GUCY1A2: variants seen among roughly 807,000 people sequenced by gnomAD.
GUCY1A2 encodes guanylate cyclase 1 soluble subunit alpha 2.
In GUCY1A2, 27 loss-of-function variants were observed where a neutral mutation model predicts 63.5. The ratio of observed to expected loss-of-function variants is 0.43; its 90% CI spans 0.31 to 0.59. The LOEUF (loss-of-function observed/expected upper bound fraction) is 0.59. Among genes scored for constraint, GUCY1A2 ranks in the 20% least tolerant of loss-of-function variants. The probability of loss-of-function intolerance (pLI) is 0.11; values close to 1 mark genes in which losing one functional copy is unlikely to be tolerated. For missense variants in GUCY1A2, 768 were observed against 913.3 expected (o/e 0.84, Z 2.05); for synonymous variants, 364 against 343.5 (o/e 1.06, Z -0.66).
intron 7 of GUCY1A2, among the ~76,000 whole-genome samples, chr11:106,696,239 C>T (rs528254467): frequency 2.0e-5 from 3 of 152,312 alleles, no homozygotes; most frequent in East Asian, 1.9e-4. Context: ...AAAAACTCCA[C>T]TTCTAGTAAA....
At chr11:106,940,369 A>G (rs1860736958) in intron 3 of GUCY1A2, among the ~76,000 whole-genome samples, 191 bp from the exon 4 acceptor site, 1 of 152,188 alleles carries the variant, frequency 6.6e-6, no homozygotes, top group Admixed American at 6.5e-5. Context: ...GTTCATCTTC[A>G]GGATGCCTCT....
chr11:107,013,176 T>C (rs889034786), intron 1 of GUCY1A2, among the ~76,000 whole-genome samples: 1 of 152,208 alleles, frequency 6.6e-6, no homozygotes, highest in Non-Finnish European at 1.5e-5. Context: ...CCTCTCCTTA[T>C]TTGCCACTCC....
chr11:106,706,213 T>C (rs1591238405), intron 7 of GUCY1A2, among the ~76,000 whole-genome samples: 2 of 152,298 alleles, frequency 1.3e-5, no homozygotes, highest in African/African-American at 4.8e-5. Context: ...ACAGGTAATG[T>C]TGGACATTCT....
At position 106,734,184 on chromosome 11, in the gene GUCY1A2, ACACACATC is replaced by A. The variant is rs548058439; in HGVS notation, c.1837-25526_1837-25519del. Among the ~76,000 whole-genome samples the A allele has an allele frequency of 1.2e-3, 180 of 152,256 alleles. 1 individual carries two copies. The highest frequency in any genetic ancestry group is 4.1e-3 in the African/African-American group (171 of 41,562). The stretch of plus-strand genomic sequence containing the variant: ...AAAAAACACAGAGTTGACATGACCC[ACACACATC>A]CACATACCAGCAACCACTGGAGCAA... On this transcript the variant is annotated intron_variant, in intron 6 of 7. Coordinates refer to ENST00000526355, the MANE Select transcript of GUCY1A2 (RefSeq NM_000855.3).
chr11:106,746,984 GT>G (rs964178897), intron 6 of GUCY1A2, among the ~76,000 whole-genome samples: 12 of 151,874 alleles, frequency 7.9e-5, no homozygotes, highest in Admixed American at 1.3e-4. Flanking sequence ...AAAGATGTGG[GT>G]TTTTTTTGTT....
At chr11:106,860,609 A>G (rs1859498026) in intron 4 of GUCY1A2, among the ~76,000 whole-genome samples, 1 of 151,984 alleles carries the variant, frequency 6.6e-6, no homozygotes, top group Non-Finnish European at 1.5e-5. Context: ...TAAAGAGAGT[A>G]AGTGAGAGCA....
At chr11:106,992,991 C>G (rs1861490666) in intron 1 of GUCY1A2, among the ~76,000 whole-genome samples, 1 of 152,102 alleles carries the variant, frequency 6.6e-6, no homozygotes. Flanking sequence ...ATCAAAATTC[C>G]AAATCCCCTT....
intron 4 of GUCY1A2, among the ~76,000 whole-genome samples, chr11:106,873,636 T>C (rs1481344187): frequency 6.6e-6 from 1 of 152,198 alleles, no homozygotes; most frequent in Non-Finnish European, 1.5e-5. Context: ...TTCTTGTAAA[T>C]TTGTTTAATT....
intron 5 of GUCY1A2, among the ~76,000 whole-genome samples, chr11:106,808,185 A>T (rs1204277696): frequency 6.6e-6 from 1 of 152,092 alleles, no homozygotes. Flanking sequence ...AAGGCCTGGA[A>T]TCTTTAGTTG....
At chr11:106,712,150 A>G (rs1863131722) in intron 6 of GUCY1A2, among the ~76,000 whole-genome samples, 1 of 152,048 alleles carries the variant, frequency 6.6e-6, no homozygotes, top group African/African-American at 2.4e-5. Flanking sequence ...CCAATTACAC[A>G]TATGTTAGGA....
chr11:106,870,113 G>GT (rs1317972871), intron 4 of GUCY1A2, among the ~76,000 whole-genome samples: 1 of 128,058 alleles, frequency 7.8e-6, no homozygotes, highest in Non-Finnish European at 1.6e-5. Flanking sequence ...TGTGAGGGGG[G>GT]GGGAGGGGGG....
chr11:106,735,146 C>T (rs537012931), intron 6 of GUCY1A2, among the ~76,000 whole-genome samples: 1 of 152,080 alleles, frequency 6.6e-6, no homozygotes, highest in South Asian at 2.1e-4. Context: ...TATAAAGATT[C>T]CAGTTGTATT....
chr11:107,010,960 C>T (rs1861735367), intron 1 of GUCY1A2, among the ~76,000 whole-genome samples: 1 of 152,068 alleles, frequency 6.6e-6, no homozygotes. Flanking sequence ...GAACTCCTGA[C>T]CTCAGGCAAT....
rs60486225 is a variant in GUCY1A2 at position 106,730,059 on chromosome 11, AATATATATATAT to A, written c.1837-21405_1837-21394del. ...AAACTGCTTTCTTTAATCAGCATGG[AATATATATATAT>A]ATATATATATATATATATATATATT... On this transcript the variant is annotated intron_variant, in intron 6 of 7. Transcript: ENST00000526355. Among the ~76,000 whole-genome samples the A allele has an allele frequency of 6.7e-3, 688 of 103,342 alleles. 14 individuals carry two copies. Among genetic ancestry groups the A allele is most frequent in the African/African-American group, 0.017 (479 of 28,854 alleles). The allele number at this position is 103,342 out of a possible 152,430, so 67.8% of individuals were successfully genotyped here.
At chr11:106,758,268 C>T (rs1458950774) in intron 6 of GUCY1A2, among the ~76,000 whole-genome samples, 1 of 152,240 alleles carries the variant, frequency 6.6e-6, no homozygotes, top group East Asian at 1.9e-4. Context: ...TGGATCTTAG[C>T]TTGCTGGGCT....
chr11:106,978,058 T>A (rs1272419350), intron 3 of GUCY1A2, among the ~76,000 whole-genome samples: 1 of 152,138 alleles, frequency 6.6e-6, no homozygotes, highest in African/African-American at 2.4e-5. Flanking sequence ...CAACAGTACC[T>A]TTTAGCCATG....
chr11:106,794,877 C>A (rs1043990235), intron 5 of GUCY1A2, among the ~76,000 whole-genome samples: 1 of 152,104 alleles, frequency 6.6e-6, no homozygotes, highest in African/African-American at 2.4e-5. Context: ...ATATCAGTCC[C>A]TGTCCCTTCT....
In GUCY1A2 at chr11:106,885,882, G is replaced by A. The variant is rs79616274; in HGVS notation, c.1206+53578C>T. 1.9e-4 allele frequency among the ~76,000 whole-genome samples: 29 copies of A among 152,246 alleles called. No individual in the cohort carries two copies. The East Asian group carries it at 3.9e-3, about 20-fold the overall frequency. On this transcript the variant is annotated intron_variant, in intron 4 of 7. Coordinates refer to ENST00000526355, the MANE Select transcript of GUCY1A2 (RefSeq NM_000855.3). ...TGTTATTATTGCCCACAAAATGTGC[G>A]TTGATTGTACATTCCCCCTATTGGA...
chr11:106,788,403 T>C (rs1448900337), intron 5 of GUCY1A2, among the ~76,000 whole-genome samples: 1 of 152,162 alleles, frequency 6.6e-6, no homozygotes, highest in Non-Finnish European at 1.5e-5. Context: ...TGTGATCCCA[T>C]TTGTCCATTT....
Sources: allele counts gnomAD v4.1 joint callset (sites outside exome capture counted in the v4.1 genomes callset), GRCh38; gene constraint gnomAD v4.1.1; transcripts MANE v1.5; gene names NCBI Gene and HGNC (gene_info 2026-07-23, HGNC 2026-07-21).